PCDH11X: variants seen among roughly 807,000 people sequenced by gnomAD.
The protein encoded by PCDH11X is protocadherin 11 X-linked, also known as protocadherin-11 X-linked.
A neutral mutation model predicts 53.3 loss-of-function variants in PCDH11X; 18 were observed. That is an observed-to-expected ratio of 0.34 (90% CI 0.23 to 0.50). The LOEUF (loss-of-function observed/expected upper bound fraction) is 0.50, where lower values mean the gene tolerates loss of function less well. PCDH11X is among the 20% of genes least tolerant of loss of function. The probability of loss-of-function intolerance (pLI) is 0.98; values close to 1 mark genes in which losing one functional copy is unlikely to be tolerated. For missense variants in PCDH11X, 570 were observed against 1,032.4 expected (o/e 0.55, Z 6.14); for synonymous variants, 279 against 393.3 (o/e 0.71, Z 3.44).
intron 8 of PCDH11X, among the ~76,000 whole-genome samples, chrX:92,332,698 A>G (rs974485307): frequency 5.5e-5 from 6 of 109,610 alleles, no homozygotes; most frequent in Non-Finnish European, 7.6e-5. Context: ...TGACCAATCA[A>G]TCTTGAAATG....
At chrX:92,282,137 G>T (rs766430507) in intron 8 of PCDH11X, among the ~76,000 whole-genome samples, 117 of 110,426 alleles carry the variant, frequency 1.1e-3, no homozygotes, top group Non-Finnish European at 2.0e-3. Flanking sequence ...AAAAGGGAGT[G>T]GGGGAATAAG....
intron 6 of PCDH11X, among the ~76,000 whole-genome samples, chrX:92,096,020 C>A (rs1375150405): frequency 8.9e-6 from 1 of 111,970 alleles, no homozygotes; most frequent in Non-Finnish European, 1.9e-5. Flanking sequence ...CTTGAATATA[C>A]TATCACAATT....
At chrX:92,565,698 A>G (rs1192041364) in intron 10 of PCDH11X, among the ~76,000 whole-genome samples, 1 of 107,872 alleles carries the variant, frequency 9.3e-6, no homozygotes, top group Non-Finnish European at 1.9e-5. Context: ...AAACAATTAG[A>G]AAAAACGAAT....
chrX:92,576,509 T>C (rs1169890836), intron 10 of PCDH11X, among the ~76,000 whole-genome samples: 3 of 95,538 alleles, frequency 3.1e-5, no homozygotes, highest in South Asian at 5.3e-4. Context: ...ATTTTGTTTA[T>C]TGAAGGTGAT....
chrX:92,240,273 G>A lies in PCDH11X; in HGVS notation c.3115-22841G>A, dbSNP rs769452076. ...CTACAGTCTGGGAACAATTCTCTGT[G>A]TCTAGAAGCCACCTGCAGTTCCTTG... On this transcript the variant is annotated intron_variant, in intron 7 of 10. Transcript: ENST00000682573. Among the ~76,000 whole-genome samples the A allele has an allele frequency of 2.0e-3, 219 of 111,598 alleles. 1 individual carries two copies. The highest frequency in any genetic ancestry group is 6.9e-3 in the African/African-American group (211 of 30,743).
chrX:92,261,172 T>G (rs1196779476), intron 7 of PCDH11X, among the ~76,000 whole-genome samples: 1 of 111,044 alleles, frequency 9.0e-6, no homozygotes, highest in Admixed American at 9.7e-5. Context: ...ATTCTAATGC[T>G]TGTTTAGTAG....
In PCDH11X at chrX:92,303,621, G is replaced by T. The variant is rs1181036709; in HGVS notation, c.3144+40478G>T. On this transcript the variant is annotated intron_variant, in intron 8 of 10. Coordinates refer to ENST00000682573, the MANE Select transcript of PCDH11X (RefSeq NM_032968.5). ...TCTGACAAAAACTGTGAATATATTTGCATCTGTTTGCCACCTGCAACTATG... is the reference window on the plus strand; with the variant it reads ...TCTGACAAAAACTGTGAATATATTTTCATCTGTTTGCCACCTGCAACTATG... Among the ~76,000 whole-genome samples the T allele has an allele frequency of 5.4e-5, 6 of 111,793 alleles. No individual in the cohort carries two copies. The East Asian group carries it at 1.7e-3, about 31-fold the overall frequency.
At chrX:92,354,774 A>G (rs2070150077) in intron 8 of PCDH11X, among the ~76,000 whole-genome samples, 1 of 111,921 alleles carries the variant, frequency 8.9e-6, no homozygotes, top group African/African-American at 3.2e-5. Context: ...AGCTGAAGTT[A>G]TACTAAAGGC....
chrX:91,883,591 G>C, intron 6 of PCDH11X: 1 of 639,997 alleles, frequency 1.6e-6, no homozygotes, highest in Non-Finnish European at 1.9e-6. Context: ...GGATCACGAG[G>C]TCAGGAGATT....
At chrX:92,307,307 G>A (rs1275754495) in intron 8 of PCDH11X, among the ~76,000 whole-genome samples, 3 of 110,336 alleles carry the variant, frequency 2.7e-5, no homozygotes, top group Non-Finnish European at 5.7e-5. Flanking sequence ...ATGTTTCAGT[G>A]TATTAAAATC....
intron 6 of PCDH11X, among the ~76,000 whole-genome samples, chrX:91,897,850 A>G (rs867983623): frequency 2.3e-4 from 26 of 111,938 alleles, no homozygotes; most frequent in Admixed American, 3.8e-4. Context: ...TAGAATTTAT[A>G]AAAAGGAGAA....
At chrX:91,876,511 C>T (rs1359754532) in intron 5 of PCDH11X, among the ~76,000 whole-genome samples, 1 of 110,704 alleles carries the variant, frequency 9.0e-6, no homozygotes, top group Non-Finnish European at 1.9e-5. Context: ...TCTTCTAGTA[C>T]AGTTCTCTAA....
intron 8 of PCDH11X, among the ~76,000 whole-genome samples, chrX:92,345,911 A>T: frequency 9.1e-6 from 1 of 109,936 alleles, no homozygotes; most frequent in Middle Eastern, 4.7e-3. Context: ...TTCTGATAAA[A>T]GTACTAGCTT....
chrX:92,295,385 C>T (rs199821099), intron 8 of PCDH11X, among the ~76,000 whole-genome samples: 3,170 of 110,486 alleles, frequency 0.029, 109 homozygotes, highest in East Asian at 0.23. Context: ...TAATAATTTT[C>T]GTAGATTCCT....
At chrX:92,568,422 CAA>C (rs759874029) in intron 10 of PCDH11X, among the ~76,000 whole-genome samples, 3 of 80,128 alleles carry the variant, frequency 3.7e-5, no homozygotes, top group Admixed American at 1.4e-4. Context: ...ACTCTGTCTC[CAA>C]AAAAAAAAAA....
chrX:92,383,320 TG>T (rs1303712749), intron 8 of PCDH11X, among the ~76,000 whole-genome samples: 4 of 26,400 alleles, frequency 1.5e-4, no homozygotes, highest in Admixed American at 5.3e-4. Context: ...TGTAGATAAA[TG>T]TTTTTTTTTT....
rs1017999785 is a variant in PCDH11X, at chrX:91,883,461, A to G, written c.3033+4188A>G. 6.8e-5 allele frequency: 51 copies of G among 752,491 alleles called. No homozygotes were observed. In the Middle Eastern group the frequency reaches 2.2e-3, roughly 33 times the overall value. The allele number at this position is 752,491 out of a possible 1,213,427, so 62.0% of individuals were successfully genotyped here. A position where few individuals can be genotyped will look rare whatever the true frequency, so the allele number is the denominator to read the frequency against. On this transcript the variant is annotated intron_variant, in intron 6 of 10. Transcript: ENST00000682573. ...CTGGTTCAGTGTTTTGAAAATATTC[A>G]CTAACATAATATTGCTGAGAAAATC...
intron 8 of PCDH11X, among the ~76,000 whole-genome samples, chrX:92,278,037 G>A (rs2068148695): frequency 9.0e-6 from 1 of 111,315 alleles, no homozygotes; most frequent in East Asian, 2.9e-4. Flanking sequence ...TCCCTAGTCC[G>A]TGACCAGCGC....
At chrX:91,945,080 A>G (rs761841164) in intron 6 of PCDH11X, among the ~76,000 whole-genome samples, 1 of 88,134 alleles carries the variant, frequency 1.1e-5, no homozygotes, top group African/African-American at 3.9e-5. Flanking sequence ...CTTAAATGTC[A>G]GAAGGATAGT....
Sources: allele counts gnomAD v4.1 joint callset (sites outside exome capture counted in the v4.1 genomes callset), GRCh38; gene constraint gnomAD v4.1.1; transcripts MANE v1.5; gene names NCBI Gene and HGNC (gene_info 2026-07-23, HGNC 2026-07-21).